ELAPOR2: variants seen among roughly 807,000 people sequenced by gnomAD.
The protein encoded by ELAPOR2 is endosome-lysosome associated apoptosis and autophagy regulator family member 2.
ELAPOR2 carries 89 observed loss-of-function variants against 120.7 expected under a neutral mutation model. The ratio of observed to expected loss-of-function variants is 0.74; its 90% CI spans 0.62 to 0.88. ELAPOR2 has a LOEUF of 0.88. Ranked by LOEUF, ELAPOR2 falls within the 40% of genes least tolerant of loss-of-function variation. The probability of loss-of-function intolerance (pLI) is 0.00; values close to 1 mark genes in which losing one functional copy is unlikely to be tolerated. For synonymous variants in ELAPOR2, 444 were observed against 444.9 expected (o/e 1.00, Z 0.03); for missense variants, 1,134 against 1,251.6 (o/e 0.91, Z 1.42).
At chr7:86,962,852 T>C (rs1383340158) in intron 2 of ELAPOR2, among the ~76,000 whole-genome samples, 2 of 152,208 alleles carry the variant, frequency 1.3e-5, no homozygotes, top group African/African-American at 2.4e-5. Context: ...CCAGTTACTA[T>C]GACACTGCCT....
rs535774153 is a variant in ELAPOR2 at position 86,918,410 on chromosome 7, A to AAT, written c.1593+30_1593+31dup. 1,333 of 1,327,996 alleles carry AAT rather than the reference A, an allele frequency of 1.0e-3. 5 individuals carry two copies. Among genetic ancestry groups the AAT allele is most frequent in the Non-Finnish European group, 1.3e-3 (1,235 of 924,958 alleles). The allele number at this position is 1,327,996 out of a possible 1,614,324, so 82.3% of individuals were successfully genotyped here. A position where few individuals can be genotyped will look rare whatever the true frequency, so the allele number is the denominator to read the frequency against. On this transcript the variant is annotated intron_variant, in intron 12 of 21. Transcript: ENST00000450689. The stretch of plus-strand genomic sequence containing the variant: ...CTTGAAGGAGAATGCTAAGCTTAGA[A>AAT]ATCTGCCTTTGAAAGCCGCCCGTCC...
At chr7:87,041,238 G>GTTCAGA (rs1375032311) in intron 1 of ELAPOR2, among the ~76,000 whole-genome samples, 6 of 151,964 alleles carry the variant, frequency 3.9e-5, no homozygotes, top group Admixed American at 1.3e-4. Flanking sequence ...GCAGGCCAAC[G>GTTCAGA]TTCAGATTCA....
At chr7:86,897,881 C>A (rs918122803) in intron 18 of ELAPOR2, among the ~76,000 whole-genome samples, 1 of 152,028 alleles carries the variant, frequency 6.6e-6, no homozygotes, top group Non-Finnish European at 1.5e-5. Context: ...TGTCCTCATG[C>A]ATGCACAGCT....
chr7:87,015,990 G>C (rs969497620), intron 1 of ELAPOR2, among the ~76,000 whole-genome samples: 1 of 152,030 alleles, frequency 6.6e-6, no homozygotes, highest in Non-Finnish European at 1.5e-5. Flanking sequence ...CTTTCTAAAG[G>C]TGTGATTACC....
At chr7:87,056,581 A>T (rs1795269485) in intron 1 of ELAPOR2, among the ~76,000 whole-genome samples, 2 of 152,184 alleles carry the variant, frequency 1.3e-5, no homozygotes, top group African/African-American at 4.8e-5. Context: ...GAACATTCCA[A>T]CACAATAACT....
chr7:86,937,982 A>G, intron 8 of ELAPOR2, 144 bp downstream of exon 8: 1 of 592,800 alleles, frequency 1.7e-6, no homozygotes, highest in Non-Finnish European at 2.9e-6. Flanking sequence ...AGGAAGGCAG[A>G]CTTCAAACCC....
rs528179296 is a variant in ELAPOR2, at chr7:86,919,292, T to A, written c.1418A>T (p.Asp473Val). ...ACCTCCAGCCCCACTCTGGATATGA[T>A]CTCCAGCCACCTCCCAACCTAGAAG... ...DGMNGWEVAG[D>V]HIQSGAGGSD... The change falls in exon 11 of 22, where the codon GAT becomes GTT. Residue 473 changes from aspartate to valine, a missense_variant. By Grantham distance (152) the Asp-to-Val change is radical. Coordinates refer to ENST00000450689, the MANE Select transcript of ELAPOR2 (RefSeq NM_001142749.3). 6.2e-7 allele frequency: 1 copy of A among 1,609,086 alleles called. No individual in the cohort carries two copies. The highest frequency in any genetic ancestry group is 1.1e-5 in the South Asian group (1 of 90,202).
chr7:87,005,746 C>T (rs1290019948), intron 1 of ELAPOR2, among the ~76,000 whole-genome samples: 2 of 152,128 alleles, frequency 1.3e-5, no homozygotes, highest in African/African-American at 4.8e-5. Flanking sequence ...AATTCCTACT[C>T]TCATACCTAG....
At chr7:86,962,671 T>C (rs141945535) in intron 2 of ELAPOR2, among the ~76,000 whole-genome samples, 2 of 152,298 alleles carry the variant, frequency 1.3e-5, no homozygotes, top group African/African-American at 4.8e-5. Context: ...TAAGTGTGAG[T>C]TTCTTTTTTA....
Position 86,918,488 on chromosome 7 carries a change from A to G in ELAPOR2, c.1547T>C (p.Val516Ala), listed in dbSNP as rs1434813704. 6.2e-7 allele frequency: 1 copy of G among 1,613,500 alleles called. No homozygotes were observed. The highest frequency in any genetic ancestry group is 1.1e-5 in the South Asian group (1 of 91,060). The change falls in exon 12 of 22, where the codon GTC (valine) becomes GCC (alanine). Residue 516 changes from valine to alanine, a missense_variant. Coordinates refer to ENST00000450689, the MANE Select transcript of ELAPOR2 (RefSeq NM_001142749.3). ...TGSELGRITF[V>A]FETLCSADCV... ...GTCAGCTGAACAGAGGGTCTCAAAG[A>G]CAAATGTTATTCTTCCTAGTTCAGA...
At chr7:86,967,316 C>T (rs1279189890) in intron 1 of ELAPOR2, among the ~76,000 whole-genome samples, 3 of 151,952 alleles carry the variant, frequency 2.0e-5, no homozygotes, top group Non-Finnish European at 4.4e-5. Flanking sequence ...AAAAATTAGC[C>T]GGGCGTGGTG....
intron 2 of ELAPOR2, among the ~76,000 whole-genome samples, chr7:86,956,718 C>T (rs575219133): frequency 3.3e-5 from 5 of 152,278 alleles, no homozygotes; most frequent in African/African-American, 1.2e-4. Context: ...AGCTTCTTGA[C>T]TTCAATGTTT....
intron 1 of ELAPOR2, among the ~76,000 whole-genome samples, chr7:86,996,206 A>G (rs1338022134): frequency 7.9e-5 from 12 of 152,232 alleles, no homozygotes; most frequent in African/African-American, 2.9e-4. Context: ...GTGCTCTGAA[A>G]GAGAAAAGAA....
chr7:87,009,145 C>T (rs937222524), intron 1 of ELAPOR2, among the ~76,000 whole-genome samples: 3 of 152,092 alleles, frequency 2.0e-5, no homozygotes, highest in Admixed American at 2.0e-4. Context: ...TATGTATCTT[C>T]CTTATAGAAT....
chr7:86,959,457 G>A (rs920842359), intron 2 of ELAPOR2, among the ~76,000 whole-genome samples: 3 of 152,298 alleles, frequency 2.0e-5, no homozygotes, highest in East Asian at 1.9e-4. Flanking sequence ...TATTAGCTAT[G>A]TGCTTGTCCT....
chr7:86,959,303 G>A (rs1180758771), intron 2 of ELAPOR2, among the ~76,000 whole-genome samples: 2 of 152,038 alleles, frequency 1.3e-5, no homozygotes, highest in Non-Finnish European at 2.9e-5. Flanking sequence ...TGATTCGTAT[G>A]CCTTTTATTT....
At chr7:86,933,200 C>T (rs1790408253) in intron 8 of ELAPOR2, among the ~76,000 whole-genome samples, 1 of 151,754 alleles carries the variant, frequency 6.6e-6, no homozygotes, top group Admixed American at 6.6e-5. Flanking sequence ...ATGTATGATT[C>T]TTCAATTAGT....
intron 21 of ELAPOR2, among the ~76,000 whole-genome samples, chr7:86,883,023 G>GGT (rs55859925): frequency 0.28 from 39,514 of 141,312 alleles, 5,414 homozygotes; most frequent in Non-Finnish European, 0.34. Context: ...GTTTGAAAGG[G>GGT]GTGTGTGTGT....
At chr7:87,043,200 C>T (rs1794840253) in intron 1 of ELAPOR2, among the ~76,000 whole-genome samples, 2 of 151,664 alleles carry the variant, frequency 1.3e-5, no homozygotes, top group Admixed American at 1.3e-4. Context: ...GAACTGGTAC[C>T]ATTCCTTCTG....
Sources: allele counts gnomAD v4.1 joint callset (sites outside exome capture counted in the v4.1 genomes callset), GRCh38; gene constraint gnomAD v4.1.1; transcripts MANE v1.5; gene names NCBI Gene and HGNC (gene_info 2026-07-23, HGNC 2026-07-21).